Variants in CNDP2 observed in about 807,000 individuals in gnomAD.
CNDP2 encodes carnosine dipeptidase 2, also known as cytosolic non-specific dipeptidase.
CNDP2 carries 38 observed loss-of-function variants against 55.0 expected under a neutral mutation model. The ratio of observed to expected loss-of-function variants is 0.69; its 90% CI spans 0.53 to 0.90. CNDP2 has a LOEUF of 0.90. Ranked by LOEUF, CNDP2 falls within the 40% of genes least tolerant of loss-of-function variation. The pLI, the probability that CNDP2 is intolerant of heterozygous loss-of-function variation, is 0.00. For missense variants in CNDP2, 607 were observed against 621.7 expected, an observed-to-expected ratio of 0.98 and a Z score of 0.25; for synonymous variants, 241 against 260.2, an observed-to-expected ratio of 0.93 and a Z score of 0.71.
Position 74,520,145 on chromosome 18 carries a change from A to ACCTCCACTTCCCTGG in CNDP2, c.*77_*78insCCTCCACTTCCCTGG. ...CACCCTTTTCCAACTTGCCCAGGGA[A>ACCTCCACTTCCCTGG]GTGGAGGTTCCCTCTTTCCTTTCCC... On this transcript the variant is annotated 3_prime_UTR_variant, in exon 12 of 12. Coordinates refer to ENST00000324262, the MANE Select transcript of CNDP2 (RefSeq NM_018235.3). 4 of 1,404,850 alleles carry ACCTCCACTTCCCTGG rather than the reference A, an allele frequency of 2.8e-6. No homozygotes were observed. The highest frequency in any genetic ancestry group is 3.0e-6 in the Non-Finnish European group (3 of 995,730). 87.0% of individuals were successfully genotyped at this position (1,404,850 alleles called of 1,614,324 possible). A position where few individuals can be genotyped will look rare whatever the true frequency, so the allele number is the denominator to read the frequency against.
At position 74,520,029 on chromosome 18, in the gene CNDP2, G is replaced by A; in HGVS notation, c.1389G>A (p.Leu463=). The change falls in exon 12 of 12, where the codon CTG becomes CTA. Residue 463 remains leucine (L), a synonymous_variant. Transcript: ENST00000324262. The part of the protein sequence containing the change: ...RYNYIEGTKM[L]AAYLYEVSQL... ...ACTACATAGAGGGAACCAAGATGCT[G>A]GCCGCGTACCTGTATGAGGTCTCCC... 6.2e-7 allele frequency: 1 copy of A among 1,614,140 alleles called. No homozygotes were observed. Among genetic ancestry groups the A allele is most frequent in the South Asian group, 1.1e-5 (1 of 91,068 alleles).
intron 5 of CNDP2, among the ~76,000 whole-genome samples, chr18:74,509,921 G>A (rs1014833377): frequency 6.6e-5 from 10 of 152,290 alleles, no homozygotes; most frequent in South Asian, 2.1e-4. Context: ...CTGCTGGTCC[G>A]GGGGATTACT....
At chr18:74,511,638 G>A (rs934482362) in intron 6 of CNDP2, among the ~76,000 whole-genome samples, 8 of 151,704 alleles carry the variant, frequency 5.3e-5, no homozygotes, top group African/African-American at 1.9e-4. Flanking sequence ...AACCCGGGAG[G>A]TGGAGGTTGT....
intron 3 of CNDP2, chr18:74,505,265 T>G (rs1978944177): frequency 6.6e-6 from 1 of 152,154 alleles, no homozygotes. Context: ...GCCTGCGTGT[T>G]TTGTTATATA....
rs865924847 is a variant in CNDP2, at chr18:74,514,739, C to T, written c.903+1020C>T. On this transcript the variant is annotated intron_variant, in intron 8 of 11. Coordinates refer to ENST00000324262, the MANE Select transcript of CNDP2 (RefSeq NM_018235.3). ...CCGCAGGCTGTGGGTTTATGCGGTA[C>T]GGATGTAAGTTCTGCAGGCTGTAGG... Among the ~76,000 whole-genome samples, 59 of 149,620 alleles carry T rather than the reference C, an allele frequency of 3.9e-4. 3 individuals carry two copies. Among genetic ancestry groups the T allele is most frequent in the African/African-American group, 1.4e-3 (56 of 40,868 alleles).
Position 74,523,169 on chromosome 18 carries a change from G to A in CNDP2, c.*3101G>A, listed in dbSNP as rs910069190. 6.6e-6 allele frequency: 1 copy of A among 152,380 alleles called. No homozygotes were observed. Among genetic ancestry groups the A allele is most frequent in the South Asian group, 2.1e-4 (1 of 4,828 alleles). The allele number at this position is 152,380 out of a possible 1,614,324, so 9.4% of individuals were successfully genotyped here. A position where few individuals can be genotyped will look rare whatever the true frequency, so the allele number is the denominator to read the frequency against. On this transcript the variant is annotated 3_prime_UTR_variant, in exon 12 of 12. Coordinates refer to ENST00000324262, the MANE Select transcript of CNDP2 (RefSeq NM_018235.3). The stretch of plus-strand genomic sequence containing the variant: ...TTTGCACACGTCCAGACTGCTTTAT[G>A]TTAGAAGCTGAGCTGGCATGCCACT...
chr18:74,506,672 G>A (rs893901962), intron 4 of CNDP2, among the ~76,000 whole-genome samples: 3 of 152,138 alleles, frequency 2.0e-5, no homozygotes, highest in East Asian at 1.9e-4. Context: ...CTGCTTCTGC[G>A]GTATATGTTA....
At chr18:74,501,119 A>G (rs1978669442) in intron 2 of CNDP2, 1 of 1,122,434 alleles carries the variant, frequency 8.9e-7, no homozygotes, top group African/African-American at 1.6e-5. Context: ...GTGTAAAACA[A>G]TATGAGAGGG....
chr18:74,516,316 T>C lies in CNDP2; in HGVS notation c.992T>C (p.Val331Ala). The change falls in exon 9 of 12, where the codon GTG (valine) becomes GCG (alanine). Residue 331 changes from valine (V) to alanine (A), a missense_variant. Coordinates refer to ENST00000324262, the MANE Select transcript of CNDP2 (RefSeq NM_018235.3). ...GAFSGSGAKTVIPRKVVGKFS... is the reference protein window; with the variant it reads ...GAFSGSGAKTAIPRKVVGKFS... Reference sequence around the variant, plus strand: ...TTCTCTGGGTCTGGGGCCAAGACCGTGATTCCCAGGAAGGTGGTTGGCAAG... The same window carrying C: ...TTCTCTGGGTCTGGGGCCAAGACCGCGATTCCCAGGAAGGTGGTTGGCAAG... The C allele has an allele frequency of 6.2e-7, 1 of 1,614,046 alleles. No homozygotes were observed. The highest frequency in any genetic ancestry group is 8.5e-7 in the Non-Finnish European group (1 of 1,179,992).
At chr18:74,518,223 CTG>C (rs1430076451) in intron 9 of CNDP2, 7 of 237,678 alleles carry the variant, frequency 2.9e-5, no homozygotes, top group Admixed American at 1.5e-4. Context: ...GATCACGCCA[CTG>C]TGCTCCAGCC....
intron 8 of CNDP2, among the ~76,000 whole-genome samples, chr18:74,514,131 G>A (rs1324260393): frequency 6.6e-6 from 1 of 152,234 alleles, no homozygotes; most frequent in Non-Finnish European, 1.5e-5. Flanking sequence ...TTAATAGGCT[G>A]TAGGTTTATG....
Position 74,519,022 on chromosome 18 carries a change from G to T in CNDP2, c.1284G>T (p.Thr428=), listed in dbSNP as rs766266358. ...IPVTLTFQEA[T]GKNVMLLPVG... ...TGACCTTGACCTTTCAGGAGGCCAC[G>T]GGCAAGAACGTCATGCTGCTGCCTG... The change falls in exon 11 of 12, where the codon ACG becomes ACT. Residue 428 remains threonine, a synonymous_variant. Transcript: ENST00000324262. The T allele has an allele frequency of 6.2e-6, 10 of 1,613,988 alleles. No individual in the cohort carries two copies. Among genetic ancestry groups the T allele is most frequent in the Non-Finnish European group, 8.5e-6 (10 of 1,179,944 alleles).
chr18:74,511,055 G>T (rs1280347310), intron 6 of CNDP2, 42 bp downstream of exon 6: 1 of 1,546,522 alleles, frequency 6.5e-7, no homozygotes, highest in Non-Finnish European at 8.8e-7. Flanking sequence ...TCTAACCCCT[G>T]AATCTCCCGG....
intron 9 of CNDP2, chr18:74,517,310 G>T (rs1252780226): frequency 1.3e-5 from 2 of 152,244 alleles, no homozygotes; most frequent in African/African-American, 4.8e-5. Flanking sequence ...GCGGACTGCG[G>T]CCCGGGGCCC....
In CNDP2 at chr18:74,505,855, G is replaced by C. The variant is rs375481353; in HGVS notation, c.211G>C (p.Asp71His). 1.3e-5 allele frequency: 21 copies of C among 1,612,230 alleles called. No homozygotes were observed. In the African/African-American group the frequency reaches 1.5e-4, roughly 11 times the overall value. ...CTTTCCTCTCCATGCTCAGCTCCCT[G>C]ATGGCTCGGAGATCCCGCTCCCTCC... ...LVDIGKQKLPDGSEIPLPPIL... is the reference protein window; with the variant it reads ...LVDIGKQKLPHGSEIPLPPIL... The change falls in exon 4 of 12, where the codon GAT becomes CAT. Residue 71 changes from aspartate to histidine, a missense_variant. Transcript: ENST00000324262.
At chr18:74,512,675 C>T in intron 7 of CNDP2, 143 bp downstream of exon 7, 1 of 656,244 alleles carries the variant, frequency 1.5e-6, no homozygotes, top group Non-Finnish European at 2.6e-6. Flanking sequence ...GCCTCTCCCT[C>T]CTTCCACTCA....
intron 2 of CNDP2, 54 bp from the exon 3 acceptor site, chr18:74,501,275 T>G: frequency 6.4e-7 from 1 of 1,571,922 alleles, no homozygotes; most frequent in Non-Finnish European, 8.6e-7. Context: ...GGGAGCCTCT[T>G]CTCCCTCAAG....
At chr18:74,504,793 T>C (rs1327896999) in intron 3 of CNDP2, 1 of 152,250 alleles carries the variant, frequency 6.6e-6, no homozygotes, top group African/African-American at 2.4e-5. Context: ...CACTTTGTGA[T>C]GATCATGGGG....
At chr18:74,502,870 G>T (rs189697812) in intron 3 of CNDP2, among the ~76,000 whole-genome samples, 1 of 152,254 alleles carries the variant, frequency 6.6e-6, no homozygotes, top group East Asian at 1.9e-4. Context: ...CCCACAGGAG[G>T]CTCATGCAGA....
Sources: allele counts gnomAD v4.1 joint callset (sites outside exome capture counted in the v4.1 genomes callset), GRCh38; gene constraint gnomAD v4.1.1; transcripts MANE v1.5; gene names NCBI Gene and HGNC (gene_info 2026-07-23, HGNC 2026-07-21).